Variants in ZNF75D observed in about 807,000 individuals in gnomAD.
ZNF75D encodes the protein zinc finger protein 75D, also known as zinc finger protein 75.
ZNF75D carries 33 observed loss-of-function variants against 33.3 expected under a neutral mutation model. The observed-to-expected ratio is 0.99, with a 90% confidence interval of 0.75 to 1.32. ZNF75D has a LOEUF of 1.32. Among genes scored for constraint, ZNF75D ranks in the 40% most tolerant of loss-of-function variants. ZNF75D has a pLI of 0.00. For missense variants in ZNF75D, 338 were observed against 367.5 expected (o/e 0.92, Z 0.66); for synonymous variants, 113 against 130.6 (o/e 0.87, Z 0.92).
rs1186605235 is a variant in ZNF75D, at chrX:135,343,380, A to G, written c.-2003T>C. On this transcript the variant is annotated 5_prime_UTR_variant, in exon 1 of 7. Transcript: ENST00000370766. Reference sequence around the variant, plus strand: ...TGCACCCTGCTGTGGATGTCCTGGGACAGGATAGTCAGGAACTCCTCCAAC... The same window carrying G: ...TGCACCCTGCTGTGGATGTCCTGGGGCAGGATAGTCAGGAACTCCTCCAAC... The G allele has an allele frequency of 5.1e-5, 7 of 136,664 alleles. No homozygotes were observed. The highest frequency in any genetic ancestry group is 9.1e-5 in the Non-Finnish European group (6 of 65,595). The allele number at this position is 136,664 out of a possible 1,213,427, so 11.3% of individuals were successfully genotyped here.
chrX:135,267,348 C>A (rs1318561907), intron 1 of ZNF75D, among the ~76,000 whole-genome samples: 1 of 110,366 alleles, frequency 9.1e-6, no homozygotes, highest in East Asian at 2.8e-4. Flanking sequence ...AAAAGATAAA[C>A]AAAATTGGCA....
At chrX:135,283,941 A>T (rs987733865), downstream of ZNF75D, among the ~76,000 whole-genome samples, 3 of 111,509 alleles carry the variant, frequency 2.7e-5, no homozygotes, top group Non-Finnish European at 5.7e-5. Context: ...TGAGTCCCTG[A>T]CTTCCAATCT....
chrX:135,289,352 C>T (rs929160002), intron 6 of ZNF75D, among the ~76,000 whole-genome samples: 3 of 112,288 alleles, frequency 2.7e-5, no homozygotes, highest in African/African-American at 9.7e-5. Context: ...CGTGGTGGCT[C>T]ATGCCTGTAA....
At chrX:135,304,199 AG>A (rs2084256117) in intron 1 of ZNF75D, among the ~76,000 whole-genome samples, 1 of 111,610 alleles carries the variant, frequency 9.0e-6, no homozygotes, top group Non-Finnish European at 1.9e-5. Flanking sequence ...GCTGAAATGG[AG>A]TCACCACCCA....
intron 1 of ZNF75D, among the ~76,000 whole-genome samples, chrX:135,340,099 G>A (rs2084765984): frequency 1.8e-5 from 2 of 112,283 alleles, no homozygotes; most frequent in Admixed American, 9.4e-5. Context: ...TTCTTTTCAT[G>A]TGTGCTCCAA....
At position 135,272,707 on chromosome X, in the gene ZNF75D, G is replaced by A. The variant is rs1200982265; in HGVS notation, n.828-16930C>T. 2.7e-5 allele frequency among the ~76,000 whole-genome samples: 3 copies of A among 111,491 alleles called. No homozygotes were observed. The Admixed American group carries it at 2.8e-4, about 11-fold the overall frequency. On this transcript the variant is annotated intron_variant and non_coding_transcript_variant, in intron 1 of 3. Transcript: ENST00000494295. ...GGCAGGAGAATAGAGTCTGGAGGAAGAGAACATAAGGCCAATTCACGCTGA... is the reference window on the plus strand; with the variant it reads ...GGCAGGAGAATAGAGTCTGGAGGAAAAGAACATAAGGCCAATTCACGCTGA...
intron 1 of ZNF75D, among the ~76,000 whole-genome samples, chrX:135,337,211 C>T (rs1232386662): frequency 2.7e-5 from 3 of 112,487 alleles, no homozygotes; most frequent in Non-Finnish European, 5.6e-5. Flanking sequence ...TTTGTATACA[C>T]ACACATATAT....
At chrX:135,249,424 T>C (rs2083772747) in intron 3 of ZNF75D, 1 of 210,239 alleles carries the variant, frequency 4.8e-6, no homozygotes, top group Non-Finnish European at 8.9e-6. Flanking sequence ...CACACAATCA[T>C]AAAAGTCAGC....
At chrX:135,265,481 A>G (rs2083859784) in intron 1 of ZNF75D, among the ~76,000 whole-genome samples, 1 of 111,880 alleles carries the variant, frequency 8.9e-6, no homozygotes, top group South Asian at 3.7e-4. Flanking sequence ...CAAATAACGT[A>G]CAATGGAGTG....
Position 135,287,154 on chromosome X carries a change from G to A in ZNF75D, c.1516C>T (p.Leu506=). 1 of 1,206,212 alleles carries A rather than the reference G, an allele frequency of 8.3e-7. No individual in the cohort carries two copies. The stretch of plus-strand genomic sequence containing the variant: ...AACTTTCCTCAGTTTGGAGACACTA[G>A]ACATGCTTCCCTTCTTCTGTGGAGT... The part of the protein sequence containing the change: ...QKLHRRREAC[L]VSPN Residue 506 remains leucine (L), a synonymous_variant, in exon 7 of 7, where the codon CTA becomes TTA. Coordinates refer to ENST00000370766, the MANE Select transcript of ZNF75D (RefSeq NM_007131.5).
In ZNF75D at chrX:135,294,186, C is replaced by T; in HGVS notation, c.-46G>A. 3 of 1,062,676 alleles carry T rather than the reference C, an allele frequency of 2.8e-6. No homozygotes were observed. Among genetic ancestry groups the T allele is most frequent in the Non-Finnish European group, 3.8e-6 (3 of 787,821 alleles). 87.6% of individuals were successfully genotyped at this position (1,062,676 alleles called of 1,213,427 possible). A position where few individuals can be genotyped will look rare whatever the true frequency, so the allele number is the denominator to read the frequency against. The stretch of plus-strand genomic sequence containing the variant: ...CTCTTGTATGTGACACTGACACCCA[C>T]CTGGTACCACCTTTGACAAATCAGG... On this transcript the variant is annotated 5_prime_UTR_variant, in exon 3 of 7. In the 5' UTR this introduces an upstream ATG that the reference lacks. Coordinates refer to ENST00000370766, the MANE Select transcript of ZNF75D (RefSeq NM_007131.5).
At chrX:135,266,837 G>A (rs12852928) in intron 1 of ZNF75D, among the ~76,000 whole-genome samples, 8 of 111,404 alleles carry the variant, frequency 7.2e-5, no homozygotes, top group African/African-American at 2.3e-4. Context: ...TCTTTTCCTC[G>A]ACACATGGAT....
intron 1 of ZNF75D, among the ~76,000 whole-genome samples, chrX:135,320,292 C>CA (rs782354392): frequency 0.033 from 2,319 of 69,881 alleles, 88 homozygotes; most frequent in African/African-American, 0.11. Flanking sequence ...GACTCCATCT[C>CA]AAAAAAAAAA....
chrX:135,310,224 T>C (rs2084343412), intron 1 of ZNF75D, among the ~76,000 whole-genome samples: 1 of 112,106 alleles, frequency 8.9e-6, no homozygotes, highest in Non-Finnish European at 1.9e-5. Flanking sequence ...TGATGGCTTT[T>C]TTGTGTCATG....
chrX:135,294,733 A>T (rs1556422288), intron 2 of ZNF75D, among the ~76,000 whole-genome samples: 2 of 111,898 alleles, frequency 1.8e-5, no homozygotes, highest in Non-Finnish European at 3.8e-5. Flanking sequence ...TTTAGATTGA[A>T]GCCTTTTACT....
At chrX:135,329,296 T>C (rs1387664703) in intron 1 of ZNF75D, among the ~76,000 whole-genome samples, 1 of 112,245 alleles carries the variant, frequency 8.9e-6, no homozygotes, top group Non-Finnish European at 1.9e-5. Flanking sequence ...TATTTATTTA[T>C]TTATTGAGAC....
intron 1 of ZNF75D, among the ~76,000 whole-genome samples, chrX:135,265,154 G>A (rs1269516805): frequency 2.7e-5 from 3 of 109,983 alleles, no homozygotes; most frequent in Non-Finnish European, 3.8e-5. Context: ...GGGAGGCAGA[G>A]GTTGCAGTGA....
In ZNF75D at chrX:135,258,257, C is replaced by T. The variant is rs4524962; in HGVS notation, n.828-2480G>A. On this transcript the variant is annotated intron_variant and non_coding_transcript_variant, in intron 1 of 3. Coordinates refer to the ZNF75D transcript ENST00000494295. ...TGTGAATAGTGCTGCAATAAACATA[C>T]GTGTGCATGTGTCTTTATAGTAGCA... is the stretch of plus-strand genomic sequence containing the variant. 0.011 allele frequency among the ~76,000 whole-genome samples: 1,160 copies of T among 107,752 alleles called. 38 individuals carry two copies. The East Asian group carries it at 0.14, about 13-fold the overall frequency. The allele number at this position is 107,752 out of a possible 115,157, so 93.6% of individuals were successfully genotyped here.
At chrX:135,325,412 C>T (rs1556436877) in intron 1 of ZNF75D, among the ~76,000 whole-genome samples, 1 of 111,121 alleles carries the variant, frequency 9.0e-6, no homozygotes, top group African/African-American at 3.3e-5. Context: ...TCTGGGCTGG[C>T]CAAGGCCAGA....
Sources: allele counts gnomAD v4.1 joint callset (sites outside exome capture counted in the v4.1 genomes callset), GRCh38; gene constraint gnomAD v4.1.1; transcripts MANE v1.5; gene names NCBI Gene and HGNC (gene_info 2026-07-23, HGNC 2026-07-21).